The following ANK3 variants were observed in gnomAD, a reference collection of about 807,000 sequenced individuals.
The protein encoded by ANK3 is ankyrin 3.
In ANK3, 57 loss-of-function variants were observed where a neutral mutation model predicts 370.9. The ratio of observed to expected loss-of-function variants is 0.15; its 90% CI spans 0.12 to 0.19. The LOEUF is 0.19. Ranked by LOEUF, ANK3 falls within the 10% of genes least tolerant of loss-of-function variation. The probability of loss-of-function intolerance (pLI) is 1.00; values close to 1 mark genes in which losing one functional copy is unlikely to be tolerated. For missense variants in ANK3, 4,439 were observed against 5,302.1 expected, an observed-to-expected ratio of 0.84 and a Z score of 5.06; for synonymous variants, 1,929 against 1,946.3, an observed-to-expected ratio of 0.99 and a Z score of 0.23.
chr10:60,519,601 G>A (rs2076302477), intron 2 of ANK3, among the ~76,000 whole-genome samples: 1 of 152,108 alleles, frequency 6.6e-6, no homozygotes, highest in Non-Finnish European at 1.5e-5. Flanking sequence ...ACAAGTGCTT[G>A]AAAATGAACT....
chr10:60,505,042 G>A (rs2075899589), intron 2 of ANK3, among the ~76,000 whole-genome samples: 1 of 152,032 alleles, frequency 6.6e-6, no homozygotes, highest in African/African-American at 2.4e-5. Flanking sequence ...CGTATATGAA[G>A]CATTTAAAAG....
chr10:60,331,263 A>G (rs1178394074), intron 1 of ANK3, among the ~76,000 whole-genome samples: 3 of 107,124 alleles, frequency 2.8e-5, no homozygotes, highest in African/African-American at 8.9e-5. Context: ...CTTAAAGTAT[A>G]ATAAAAAAAA....
intron 27 of ANK3, among the ~76,000 whole-genome samples, chr10:60,106,713 A>G (rs1173442990): frequency 6.6e-6 from 1 of 152,204 alleles, no homozygotes; most frequent in Non-Finnish European, 1.5e-5. Context: ...TTGTCACATA[A>G]TGACACAGTA....
intron 7 of ANK3, among the ~76,000 whole-genome samples, chr10:60,248,058 C>T (rs1272729801): frequency 6.6e-6 from 1 of 152,216 alleles, no homozygotes; most frequent in Non-Finnish European, 1.5e-5. Context: ...TATGGATGTA[C>T]CACATTCTGT....
At chr10:60,334,379 C>A (rs990068748) in intron 1 of ANK3, among the ~76,000 whole-genome samples, 1 of 152,136 alleles carries the variant, frequency 6.6e-6, no homozygotes, top group Non-Finnish European at 1.5e-5. Flanking sequence ...CCCTTCCCCC[C>A]GCACCTCATA....
rs1564756099 is a variant in ANK3, at chr10:60,069,757, G to GGCT, written c.11121_11123dup (p.Ala3708dup). On this transcript the variant is annotated inframe_insertion, in exon 37 of 44. Coordinates refer to ENST00000280772, the MANE Select transcript of ANK3 (RefSeq NM_020987.5). Reference sequence around the variant, plus strand: ...TGGGGTCAACTTTAGAGGTGTTAGTGGCTGCTGCTGATTTCTCCAGGGAGC... The same window carrying GGCT: ...TGGGGTCAACTTTAGAGGTGTTAGTGGCTGCTGCTGCTGATTTCTCCAGGGAGC... 1.2e-6 allele frequency: 2 copies of GGCT among 1,613,928 alleles called. No individual in the cohort carries two copies. The highest frequency in any genetic ancestry group is 8.5e-7 in the Non-Finnish European group (1 of 1,179,974).
intron 1 of ANK3, among the ~76,000 whole-genome samples, chr10:60,301,123 G>GATATATATATATATAT (rs34302629): frequency 3.2e-4 from 43 of 135,216 alleles, no homozygotes; most frequent in African/African-American, 1.2e-3. Flanking sequence ...GAATACTTCC[G>GATATATATATATATAT]ATATATATAT....
intron 2 of ANK3, among the ~76,000 whole-genome samples, chr10:60,418,652 G>A (rs56134677): frequency 6.6e-6 from 1 of 150,470 alleles, no homozygotes; most frequent in Non-Finnish European, 1.5e-5. Flanking sequence ...TGAATTATCA[G>A]ATAAACAATA....
intron 5 of ANK3, among the ~76,000 whole-genome samples, chr10:60,265,590 G>A (rs1056870680): frequency 6.6e-6 from 1 of 151,876 alleles, no homozygotes. Context: ...TTTAACTAGA[G>A]AACTGGCATG....
intron 28 of ANK3, among the ~76,000 whole-genome samples, chr10:60,099,587 C>T (rs1230699083): frequency 1.3e-5 from 2 of 152,168 alleles, no homozygotes; most frequent in Non-Finnish European, 2.9e-5. Flanking sequence ...AAGAGACTTA[C>T]ATTTGTTTAC....
At chr10:60,464,756 C>G (rs528002905) in intron 2 of ANK3, among the ~76,000 whole-genome samples, 2 of 152,272 alleles carry the variant, frequency 1.3e-5, no homozygotes, top group South Asian at 4.1e-4. Context: ...ACAAATGTCA[C>G]TTTTAATTAG....
chr10:60,157,760 C>T (rs1218410514), intron 23 of ANK3, among the ~76,000 whole-genome samples: 1 of 151,472 alleles, frequency 6.6e-6, no homozygotes, highest in Non-Finnish European at 1.5e-5. Context: ...AATTCAGTCA[C>T]AGCAGAAAAA....
At chr10:60,048,191 C>A (rs1264093670) in intron 42 of ANK3, among the ~76,000 whole-genome samples, 2 of 152,102 alleles carry the variant, frequency 1.3e-5, no homozygotes, top group African/African-American at 4.8e-5. Context: ...GGGATGGAAC[C>A]ACCCCAGACT....
intron 1 of ANK3, among the ~76,000 whole-genome samples, chr10:60,290,021 G>A (rs373020135): frequency 2.0e-5 from 3 of 152,052 alleles, no homozygotes; most frequent in Admixed American, 6.6e-5. Flanking sequence ...ACTGGGACAC[G>A]GCCATCCCGA....
chr10:60,634,889 G>A (rs570920419), intron 1 of ANK3, among the ~76,000 whole-genome samples: 2 of 151,888 alleles, frequency 1.3e-5, no homozygotes, highest in East Asian at 3.9e-4. Flanking sequence ...GCGAGAGAAC[G>A]AACCTACCAG....
intron 2 of ANK3, among the ~76,000 whole-genome samples, chr10:60,503,274 C>A (rs944447853): frequency 2.6e-5 from 4 of 152,006 alleles, no homozygotes; most frequent in African/African-American, 9.7e-5. Flanking sequence ...AATTCTCTGC[C>A]AGAATTTGCT....
chr10:60,508,890 C>T (rs1056923164), intron 2 of ANK3, among the ~76,000 whole-genome samples: 4 of 152,108 alleles, frequency 2.6e-5, no homozygotes, highest in Admixed American at 2.0e-4. Flanking sequence ...CAATTGATTG[C>T]TCTTCAGTTT....
At position 60,073,584 on chromosome 10, in the gene ANK3, C is replaced by G; in HGVS notation, c.7297G>C (p.Asp2433His). Reference protein sequence around the residue: ...RPSSAQLISDDSYKTLKLLSQ... With the variant: ...RPSSAQLISDHSYKTLKLLSQ... ...AAAAGCTTCAATGTTTTATAAGAGTCATCAGATATGAGTTGAGCAGAACTA... is the reference window on the plus strand; with the variant it reads ...AAAAGCTTCAATGTTTTATAAGAGTGATCAGATATGAGTTGAGCAGAACTA... Residue 2433 changes from aspartate to histidine, a missense_variant, in exon 37 of 44, where the codon GAC (aspartate) becomes CAC (histidine). This residue lies in a region of ANK3 where 1,601 missense variants were observed against 1,731.7 expected (regional missense o/e 0.92). Transcript: ENST00000280772. 6.2e-7 allele frequency: 1 copy of G among 1,613,998 alleles called. No homozygotes were observed. Among genetic ancestry groups the G allele is most frequent in the Non-Finnish European group, 8.5e-7 (1 of 1,179,998 alleles).
intron 21 of ANK3, among the ~76,000 whole-genome samples, chr10:60,169,395 C>T (rs1482609608): frequency 5.2e-5 from 6 of 115,602 alleles, no homozygotes; most frequent in East Asian, 2.5e-4. Context: ...TTTTAATAGA[C>T]TGGGGCTGTA....
Sources: gnomAD v4.1 joint callset for allele counts (sites outside exome capture counted in the v4.1 genomes callset) on GRCh38, gnomAD v4.1.1 for gene constraint, gnomAD v4.1.1 regional missense constraint, MANE v1.5 for transcripts, NCBI Gene and HGNC (gene_info 2026-07-23, HGNC 2026-07-21) for gene names.